Variants in ZNF69 observed in about 807,000 individuals in gnomAD.
ZNF69 encodes the protein ZNF3.
In ZNF69, 47 loss-of-function variants were observed where a neutral mutation model predicts 50.9. The ratio of observed to expected loss-of-function variants is 0.92; its 90% CI spans 0.73 to 1.18. ZNF69 has a LOEUF of 1.18. Ranked by LOEUF, ZNF69 falls within the 50% of genes most tolerant of loss-of-function variation. The pLI is 0.00. For synonymous variants in ZNF69, 216 were observed against 223.1 expected, an observed-to-expected ratio of 0.97 and a Z score of 0.29; for missense variants, 717 against 675.1, an observed-to-expected ratio of 1.06 and a Z score of -0.69.
downstream of ZNF69, among the ~76,000 whole-genome samples, chr19:11,915,351 A>G (rs1291283979): frequency 6.6e-6 from 1 of 152,244 alleles, no homozygotes; most frequent in East Asian, 1.9e-4. Flanking sequence ...TTTCCACAGG[A>G]TGCAAGCACA....
the ZNF69 span, chr19:11,948,422 A>G: frequency 6.2e-7 from 1 of 1,614,168 alleles, no homozygotes; most frequent in South Asian, 1.1e-5. Flanking sequence ...GTGTGTGCAG[A>G]AGTTGGCATA....
At chr19:11,949,376 G>A in the ZNF69 span, 2 of 1,613,934 alleles carry the variant, frequency 1.2e-6, no homozygotes, top group Non-Finnish European at 1.7e-6. Flanking sequence ...TGTAAGGAAT[G>A]TGGGAAAGCC....
the ZNF69 span, among the ~76,000 whole-genome samples, chr19:11,936,899 T>C: frequency 1.7e-3 from 257 of 152,354 alleles, 4 homozygotes; most frequent in African/African-American, 5.8e-3. Flanking sequence ...TTCAGCTTTC[T>C]ACATATGGCT....
At chr19:11,904,182 C>T (rs941444170) in intron 3 of ZNF69, among the ~76,000 whole-genome samples, 3 of 152,074 alleles carry the variant, frequency 2.0e-5, no homozygotes, top group African/African-American at 7.2e-5. Flanking sequence ...AGCTTGAGGC[C>T]AGCAGTTCAA....
At chr19:11,949,333 G>A in the ZNF69 span, 156 of 1,613,692 alleles carry the variant, frequency 9.7e-5, no homozygotes, top group Non-Finnish European at 1.2e-4. Context: ...TCGAGTGCAC[G>A]GTGGGACTCA....
the ZNF69 span, among the ~76,000 whole-genome samples, chr19:11,974,878 C>T: frequency 2.0e-5 from 3 of 152,222 alleles, no homozygotes; most frequent in South Asian, 6.2e-4. Flanking sequence ...GCTGGGATTA[C>T]AGGCATGAGC....
the ZNF69 span, among the ~76,000 whole-genome samples, chr19:11,932,890 G>A: frequency 2.7e-5 from 4 of 148,282 alleles, no homozygotes; most frequent in Admixed American, 6.6e-5. Context: ...GCCTGCCTCA[G>A]CCTCCCAAAG....
At chr19:11,933,584 G>A in the ZNF69 span, among the ~76,000 whole-genome samples, 97 of 147,782 alleles carry the variant, frequency 6.6e-4, 17 homozygotes, top group African/African-American at 2.3e-3. Flanking sequence ...TTCCTGCCTC[G>A]GTTTTGCATT....
chr19:11,925,472 C>T, the ZNF69 span, among the ~76,000 whole-genome samples: 1 of 152,158 alleles, frequency 6.6e-6, no homozygotes, highest in Non-Finnish European at 1.5e-5. Flanking sequence ...CGTCCTGTCC[C>T]GTCCCTGCGC....
chr19:11,942,024 C>T, the ZNF69 span, among the ~76,000 whole-genome samples: 1 of 152,082 alleles, frequency 6.6e-6, no homozygotes, highest in Non-Finnish European at 1.5e-5. Flanking sequence ...CTCTTGTGCA[C>T]TTAGGGTGCC....
chr19:11,908,345 C>T (rs1385292941), downstream of ZNF69, among the ~76,000 whole-genome samples: 2 of 152,194 alleles, frequency 1.3e-5, no homozygotes, highest in African/African-American at 2.4e-5. Flanking sequence ...ACAGAACTCT[C>T]CACCCCAAAT....
chr19:11,974,073 C>T, the ZNF69 span, among the ~76,000 whole-genome samples: 4 of 62,032 alleles, frequency 6.4e-5, no homozygotes, highest in African/African-American at 2.2e-4. Context: ...TCTTTCTTTT[C>T]TTTCTTTCTT....
At chr19:11,926,344 T>C in the ZNF69 span, among the ~76,000 whole-genome samples, 17 of 152,310 alleles carry the variant, frequency 1.1e-4, no homozygotes, top group African/African-American at 4.1e-4. Flanking sequence ...TTCAGGGTTT[T>C]TTGCGGGTCC....
the ZNF69 span, among the ~76,000 whole-genome samples, chr19:11,937,232 T>C: frequency 6.6e-6 from 1 of 152,206 alleles, no homozygotes; most frequent in Non-Finnish European, 1.5e-5. Context: ...AAGTAAATGA[T>C]TCATTAGGAG....
At chr19:11,928,743 A>T in the ZNF69 span, among the ~76,000 whole-genome samples, 1 of 143,516 alleles carries the variant, frequency 7.0e-6, no homozygotes, top group Non-Finnish European at 1.5e-5. Context: ...AAAAAAAAAA[A>T]AAAAAAAAGA....
At chr19:11,952,335 A>G in the ZNF69 span, among the ~76,000 whole-genome samples, 1 of 152,246 alleles carries the variant, frequency 6.6e-6, no homozygotes, top group Admixed American at 6.5e-5. Context: ...AAATTCATTT[A>G]TGCCTTATAA....
chr19:11,975,097 C>CTT, the ZNF69 span, among the ~76,000 whole-genome samples: 1 of 145,754 alleles, frequency 6.9e-6, no homozygotes, highest in Admixed American at 6.9e-5. Flanking sequence ...ATGTTATTTT[C>CTT]TTTTTTTTTT....
the ZNF69 span, among the ~76,000 whole-genome samples, chr19:11,944,679 G>T: frequency 6.6e-6 from 1 of 152,154 alleles, no homozygotes; most frequent in Non-Finnish European, 1.5e-5. Flanking sequence ...TCACATTTTG[G>T]CATTTCTGTG....
intron 1 of ZNF69, among the ~76,000 whole-genome samples, chr19:11,899,047 A>C (rs879887258): frequency 6.6e-6 from 1 of 152,186 alleles, no homozygotes; most frequent in Non-Finnish European, 1.5e-5. Context: ...TCACAGTCTT[A>C]TACAGAAGCG....
Sources: allele counts gnomAD v4.1 joint callset (sites outside exome capture counted in the v4.1 genomes callset), GRCh38; gene constraint gnomAD v4.1.1; transcripts MANE v1.5; gene names NCBI Gene and HGNC (gene_info 2026-07-23, HGNC 2026-07-21).